The following KIF23 variants were observed in gnomAD, a reference collection of about 807,000 sequenced individuals.
The protein encoded by KIF23 is kinesin family member 23, also known as kinesin-like protein KIF23.
KIF23 carries 30 observed loss-of-function variants against 137.5 expected under a neutral mutation model. The observed-to-expected ratio is 0.22, with a 90% confidence interval of 0.16 to 0.30. The LOEUF is 0.30. Among genes scored for constraint, KIF23 ranks in the 10% least tolerant of loss-of-function variants. The pLI is 1.00. For synonymous variants in KIF23, 367 were observed against 391.1 expected (o/e 0.94, Z 0.73); for missense variants, 920 against 1,194.3 (o/e 0.77, Z 3.38).
intron 1 of KIF23, 74 bp downstream of exon 1, chr15:69,414,550 C>G (rs2056838942): frequency 7.0e-7 from 1 of 1,429,352 alleles, no homozygotes; most frequent in South Asian, 1.4e-5. Context: ...GCAGGCGTCT[C>G]CACTCAGGCC....
At position 69,446,313 on chromosome 15, in the gene KIF23, A is replaced by C. The variant is rs202030137; in HGVS notation, c.2787A>C (p.Ala929=). The change falls in exon 22 of 24, where the codon GCA becomes GCC. Residue 929 remains alanine (A), a synonymous_variant. Transcript: ENST00000679126. ...GSRKRRSSTV[A]PAQPDGAESE... ...GAAAACGAAGATCTTCCACAGTAGCACCTGCCCAACCAGATGGTGCAGAGT... is the reference window on the plus strand; with the variant it reads ...GAAAACGAAGATCTTCCACAGTAGCCCCTGCCCAACCAGATGGTGCAGAGT... 69 of 1,614,026 alleles carry C rather than the reference A, an allele frequency of 4.3e-5. No individual in the cohort carries two copies. Among genetic ancestry groups the C allele is most frequent in the Non-Finnish European group, 2.3e-5 (27 of 1,179,988 alleles).
Position 69,441,007 on chromosome 15 carries a change from C to T in KIF23, c.2349C>T (p.Tyr783=), listed in dbSNP as rs754636725. 8 of 1,614,030 alleles carry T rather than the reference C, an allele frequency of 5.0e-6. No homozygotes were observed. Among genetic ancestry groups the T allele is most frequent in the Non-Finnish European group, 6.8e-6 (8 of 1,180,034 alleles). ...CIVSDRRRGM[Y]WTEGREVVPT... The stretch of plus-strand genomic sequence containing the variant: ...TGTCAGACAGAAGGCGAGGGATGTA[C>T]TGGACTGAAGGCAGGGAGGTGGTTC... The change falls in exon 19 of 24, where the codon TAC becomes TAT. Residue 783 remains tyrosine (Y), a synonymous_variant. Transcript: ENST00000679126.
At chr15:69,443,302 T>TTTGC (rs1456023181) in intron 19 of KIF23, among the ~76,000 whole-genome samples, 1 of 151,344 alleles carries the variant, frequency 6.6e-6, no homozygotes. Flanking sequence ...ACTTTTTCCA[T>TTTGC]TTGCTTTCAG....
rs200419497 is a variant in KIF23, at chr15:69,422,299, ATT to A, written c.454-15_454-14del. The A allele has an allele frequency of 2.4e-3, 2,810 of 1,155,578 alleles. No homozygotes were observed. Among genetic ancestry groups the A allele is most frequent in the South Asian group, 2.9e-3 (189 of 65,316 alleles). The allele number at this position is 1,155,578 out of a possible 1,614,324, so 71.6% of individuals were successfully genotyped here. A position where few individuals can be genotyped will look rare whatever the true frequency, so the allele number is the denominator to read the frequency against. The stretch of plus-strand genomic sequence containing the variant: ...GTTAAATTCTAAAAAACGTGGTGTG[ATT>A]TTTTTTTTTTTGCCCCCACTTCAGG... On this transcript the variant is annotated intron_variant, in intron 5 of 23. Coordinates refer to ENST00000679126, the MANE Select transcript of KIF23 (RefSeq NM_001367805.3).
chr15:69,421,584 G>T, intron 3 of KIF23, 63 bp from the exon 4 acceptor site: 3 of 972,590 alleles, frequency 3.1e-6, no homozygotes, highest in Non-Finnish European at 5.0e-6. Context: ...AGTTTAAGGA[G>T]ATGTATTTTT....
At chr15:69,435,098 G>A (rs929903869) in intron 11 of KIF23, 29 of 486,928 alleles carry the variant, frequency 6.0e-5, no homozygotes, top group African/African-American at 5.2e-4. Context: ...GCGGGACGGT[G>A]GCCTGGGGGT....
In KIF23 at chr15:69,427,052, C is replaced by CA. The variant is rs540633945; in HGVS notation, c.1011+596dup. On this transcript the variant is annotated intron_variant, in intron 10 of 23. Coordinates refer to ENST00000679126, the MANE Select transcript of KIF23 (RefSeq NM_001367805.3). ...ATCCCAGTGCTTTGGGAGGCCAAGGCAGGAGGATCACTTGAGGCCAGGAGT... is the reference window on the plus strand; with the variant it reads ...ATCCCAGTGCTTTGGGAGGCCAAGGCAAGGAGGATCACTTGAGGCCAGGAGT... Among the ~76,000 whole-genome samples the CA allele has an allele frequency of 6.1e-4, 93 of 152,082 alleles. 1 individual carries two copies. The highest frequency in any genetic ancestry group is 2.0e-4 in the Admixed American group (3 of 15,260).
At chr15:69,438,549 A>G (rs913293637) in intron 16 of KIF23, 144 bp downstream of exon 16, 4 of 644,912 alleles carry the variant, frequency 6.2e-6, no homozygotes, top group African/African-American at 5.6e-5. Flanking sequence ...GGTAATTCCA[A>G]CACTTTGGGA....
intron 15 of KIF23, among the ~76,000 whole-genome samples, chr15:69,437,492 G>T (rs182107402): frequency 3.5e-4 from 46 of 130,060 alleles, no homozygotes; most frequent in African/African-American, 1.3e-3. Context: ...ACTGAGTCTC[G>T]CTCTGTTGCC....
chr15:69,426,239 T>A (rs2057187500), intron 9 of KIF23, 57 bp downstream of exon 9: 3 of 1,593,356 alleles, frequency 1.9e-6, no homozygotes, highest in Non-Finnish European at 2.6e-6. Flanking sequence ...CTAGAGTTGC[T>A]ACTAAGTTTG....
At position 69,440,332 on chromosome 15, in the gene KIF23, C is replaced by A; in HGVS notation, c.1954C>A (p.Leu652Met). The change falls in exon 18 of 24, where the codon CTG becomes ATG. Residue 652 changes from leucine (L) to methionine (M), a missense_variant. Coordinates refer to ENST00000679126, the MANE Select transcript of KIF23 (RefSeq NM_001367805.3). ...GGAGCGTAGAGTGGCAGCCAAACAG[C>A]TGGAGATGCAGAATAAACTCTGGGT... ...ECERRVAAKQ[L>M]EMQNKLWVKD... 1 of 1,613,202 alleles carries A rather than the reference C, an allele frequency of 6.2e-7. No individual in the cohort carries two copies. Among genetic ancestry groups the A allele is most frequent in the Non-Finnish European group, 8.5e-7 (1 of 1,179,724 alleles).
rs2140305791 is a variant in KIF23 at position 69,416,045 on chromosome 15, C to T, written c.63C>T (p.Asn21=). 1.9e-6 allele frequency: 3 copies of T among 1,574,490 alleles called. No individual in the cohort carries two copies. The highest frequency in any genetic ancestry group is 8.6e-7 in the Non-Finnish European group (1 of 1,168,066). ...KPTVKKGSQT[N]LKDPVGVYCR... ...CCGTGAAAAAAGGGTCCCAAACGAACCTTAAAGACCCAGTTGGGGTAAGGT... is the reference window on the plus strand; with the variant it reads ...CCGTGAAAAAAGGGTCCCAAACGAATCTTAAAGACCCAGTTGGGGTAAGGT... The change falls in exon 2 of 24, where the codon AAC becomes AAT. Residue 21 remains asparagine, a synonymous_variant. Transcript: ENST00000679126.
Position 69,438,110 on chromosome 15 carries a change from C to T in KIF23, c.1598-138C>T, listed in dbSNP as rs2057525755. The stretch of plus-strand genomic sequence containing the variant: ...ATGAAGCTCCTGATTTCCCTCTAAA[C>T]TTGTTTTCTCATTATAGACTGATTC... On this transcript the variant is annotated intron_variant, in intron 15 of 23. Coordinates refer to ENST00000679126, the MANE Select transcript of KIF23 (RefSeq NM_001367805.3). 7 of 669,496 alleles carry T rather than the reference C, an allele frequency of 1.0e-5. No individual in the cohort carries two copies. The South Asian group carries it at 1.6e-4, about 16-fold the overall frequency. 41.5% of individuals were successfully genotyped at this position (669,496 alleles called of 1,614,324 possible).
chr15:69,436,019 C>G (rs1038255712), intron 13 of KIF23, 119 bp from the exon 14 acceptor site: 13 of 1,376,590 alleles, frequency 9.4e-6, no homozygotes, highest in Admixed American at 2.4e-5. Flanking sequence ...CCACTGCACT[C>G]CAGCCTGGTG....
In KIF23 at chr15:69,416,063, G is replaced by A; in HGVS notation, c.81G>A (p.Gly27=). 1 of 1,564,954 alleles carries A rather than the reference G, an allele frequency of 6.4e-7. No individual in the cohort carries two copies. Among genetic ancestry groups the A allele is most frequent in the Non-Finnish European group, 8.6e-7 (1 of 1,164,090 alleles). ...AAACGAACCTTAAAGACCCAGTTGG[G>A]GTAAGGTATCCCTGTAAATTTATGT... ...GSQTNLKDPV[G]VYCRVRPLGF... The change falls in exon 2 of 24, where the codon GGG becomes GGA. Residue 27 remains glycine, a splice_region_variant and synonymous_variant. Transcript: ENST00000679126.
At chr15:69,422,196 A>G in intron 5 of KIF23, 68 bp downstream of exon 5, 2 of 1,547,014 alleles carry the variant, frequency 1.3e-6, no homozygotes, top group Non-Finnish European at 1.8e-6. Flanking sequence ...CAGTAGTAGT[A>G]AAGAAGAACC....
chr15:69,417,077 C>T (rs2056933891), intron 2 of KIF23, among the ~76,000 whole-genome samples: 1 of 151,952 alleles, frequency 6.6e-6, no homozygotes, highest in Non-Finnish European at 1.5e-5. Flanking sequence ...ATGTTGTTGA[C>T]TTTTAGAGAT....
chr15:69,447,025 C>A, intron 23 of KIF23, 84 bp downstream of exon 23: 1 of 1,225,282 alleles, frequency 8.2e-7, no homozygotes, highest in Non-Finnish European at 1.2e-6. Flanking sequence ...TACCAGCCAT[C>A]CACTTATTCT....
At chr15:69,414,657 G>T (rs1332001182) in intron 1 of KIF23, 181 bp downstream of exon 1, 2 of 618,656 alleles carry the variant, frequency 3.2e-6, no homozygotes, top group Non-Finnish European at 4.8e-6. Flanking sequence ...CTCCGCGGGA[G>T]CCTGGGCGCG....
Sources: gnomAD v4.1 joint callset for allele counts (sites outside exome capture counted in the v4.1 genomes callset) on GRCh38, gnomAD v4.1.1 for gene constraint, MANE v1.5 for transcripts, NCBI Gene and HGNC (gene_info 2026-07-23, HGNC 2026-07-21) for gene names.